The following NLGN1 variants were observed in gnomAD, a reference collection of about 807,000 sequenced individuals.
NLGN1 encodes neuroligin-1.
A neutral mutation model predicts 65.5 loss-of-function variants in NLGN1; 12 were observed. The ratio of observed to expected loss-of-function variants is 0.18; its 90% CI spans 0.12 to 0.30. The LOEUF (loss-of-function observed/expected upper bound fraction) is 0.30. Ranked by LOEUF, NLGN1 falls within the 10% of genes least tolerant of loss-of-function variation. The probability of loss-of-function intolerance (pLI) is 1.00; values close to 1 mark genes in which losing one functional copy is unlikely to be tolerated. For missense variants in NLGN1, 750 were observed against 1,007.1 expected, an observed-to-expected ratio of 0.74 and a Z score of 3.46; for synonymous variants, 350 against 359.5, an observed-to-expected ratio of 0.97 and a Z score of 0.30.
intron 3 of NLGN1, among the ~76,000 whole-genome samples, chr3:173,721,207 A>G (rs1770779117): frequency 6.6e-6 from 1 of 152,240 alleles, no homozygotes; most frequent in Admixed American, 6.5e-5. Context: ...TAGCAATTTA[A>G]CATTTTACAT....
Position 173,822,647 on chromosome 3 carries a change from GCTAA to G in NLGN1, c.646+14818_646+14821del, listed in dbSNP as rs574894879. ...ACAATTCTGATCCCCAAGCATTCTG[GCTAA>G]CTGTTACTCAAGCTATATTTCACTT... On this transcript the variant is annotated intron_variant, in intron 4 of 6. Coordinates refer to ENST00000457714, the Ensembl canonical transcript of NLGN1. Among the ~76,000 whole-genome samples, 31 of 152,056 alleles carry G rather than the reference GCTAA, an allele frequency of 2.0e-4. No homozygotes were observed. The East Asian group carries it at 3.3e-3, about 16-fold the overall frequency.
chr3:173,667,068 T>C (rs943553456), intron 3 of NLGN1, among the ~76,000 whole-genome samples: 6 of 152,222 alleles, frequency 3.9e-5, no homozygotes, highest in African/African-American at 1.4e-4. Flanking sequence ...CTTTTTAACA[T>C]GATAATGGAT....
intron 3 of NLGN1, 61 bp from the exon 3 acceptor site, chr3:173,605,473 A>G (rs1402472043): frequency 3.4e-6 from 3 of 871,232 alleles, no homozygotes; most frequent in Non-Finnish European, 4.9e-6. Flanking sequence ...GTGGTGTTGC[A>G]TGTTCCGGCG....
At chr3:173,442,875 T>C (rs1719451637) in intron 2 of NLGN1, among the ~76,000 whole-genome samples, 1 of 152,152 alleles carries the variant, frequency 6.6e-6, no homozygotes, top group African/African-American at 2.4e-5. Flanking sequence ...GTCTAACAAG[T>C]AAGATACACA....
At chr3:174,023,030 T>TTAAA (rs1005007383) in intron 4 of NLGN1, among the ~76,000 whole-genome samples, 2 of 152,130 alleles carry the variant, frequency 1.3e-5, no homozygotes, top group Non-Finnish European at 2.9e-5. Context: ...GAAGCTTTAT[T>TTAAA]GATATAAAAA....
chr3:174,280,925 C>T lies in NLGN1; in HGVS notation c.2094C>T (p.Tyr698=). ...ACATCTTGGCCTTTGCAGCCCTGTACTACAAAAAGGATAAGAGGAGACATG... is the reference window on the plus strand; with the variant it reads ...ACATCTTGGCCTTTGCAGCCCTGTATTACAAAAAGGATAAGAGGAGACATG... Residue 698 remains tyrosine, a synonymous_variant, in exon 7 of 7, where the codon TAC becomes TAT. Coordinates refer to ENST00000457714, the Ensembl canonical transcript of NLGN1. This position sits in a 1 kb window ranked among gnomAD's most constrained non-coding sequence, Gnocchi z 4.9. 6.2e-7 allele frequency: 1 copy of T among 1,613,284 alleles called. No homozygotes were observed. Among genetic ancestry groups the T allele is most frequent in the Non-Finnish European group, 8.5e-7 (1 of 1,179,580 alleles).
chr3:173,445,824 C>T (rs949112505), intron 2 of NLGN1, among the ~76,000 whole-genome samples: 2 of 152,144 alleles, frequency 1.3e-5, no homozygotes, highest in African/African-American at 4.8e-5. Flanking sequence ...ACTTTAAGTT[C>T]ACACTGACCA....
chr3:173,924,633 AT>A (rs1376141118), intron 4 of NLGN1, among the ~76,000 whole-genome samples: 47 of 151,750 alleles, frequency 3.1e-4, no homozygotes, highest in Middle Eastern at 6.8e-3. Context: ...AAAAAAAAAA[AT>A]AAAAATAAAA....
chr3:173,709,696 G>A lies in NLGN1; in HGVS notation c.494-97984G>A, dbSNP rs963662186. Among the ~76,000 whole-genome samples, 10 of 150,740 alleles carry A rather than the reference G, an allele frequency of 6.6e-5. No homozygotes were observed. In the South Asian group the frequency reaches 8.4e-4, roughly 13 times the overall value. On this transcript the variant is annotated intron_variant, in intron 3 of 6. Coordinates refer to ENST00000457714, the Ensembl canonical transcript of NLGN1. ...TGAGTGCCTGTAATCCCAGCTACTC[G>A]AGAGGCTGAGGCAGGAGAATCACTT... is the stretch of plus-strand genomic sequence containing the variant.
chr3:174,153,003 G>A (rs138706644), intron 4 of NLGN1, among the ~76,000 whole-genome samples: 4 of 151,916 alleles, frequency 2.6e-5, no homozygotes, highest in Admixed American at 1.3e-4. Context: ...TTCTGATCTA[G>A]CCCTTGCCTA....
intron 4 of NLGN1, among the ~76,000 whole-genome samples, chr3:174,215,893 C>T (rs968153802): frequency 6.6e-6 from 1 of 152,154 alleles, no homozygotes; most frequent in East Asian, 1.9e-4. Context: ...GGACAACCTT[C>T]CTCTCTCCAT....
rs535884994 is a variant in NLGN1 at position 174,031,165 on chromosome 3, C to T, written c.646+223333C>T. On this transcript the variant is annotated intron_variant, in intron 4 of 6. Coordinates refer to ENST00000457714, the Ensembl canonical transcript of NLGN1. ...ATCTAAGCAGTCCTAGAAGGCTTCT[C>T]CACACCAGTTCCTTCTCCACAACCA... is the stretch of plus-strand genomic sequence containing the variant. Among the ~76,000 whole-genome samples the T allele has an allele frequency of 1.8e-4, 28 of 152,272 alleles. No individual in the cohort carries two copies. In the East Asian group the frequency reaches 5.4e-3, roughly 29 times the overall value.
chr3:173,777,931 GATA>G (rs1462668034), intron 3 of NLGN1, among the ~76,000 whole-genome samples: 1 of 151,804 alleles, frequency 6.6e-6, no homozygotes, highest in Admixed American at 6.6e-5. Context: ...AACTGATAAT[GATA>G]ATAATCATTG....
chr3:173,621,687 T>C (rs1376355738), intron 3 of NLGN1, among the ~76,000 whole-genome samples: 1 of 152,014 alleles, frequency 6.6e-6, no homozygotes, highest in Non-Finnish European at 1.5e-5. Context: ...GAGAGACATT[T>C]CAAAGCAGAA....
At chr3:173,592,860 C>T (rs1748768547) in intron 2 of NLGN1, among the ~76,000 whole-genome samples, 1 of 152,120 alleles carries the variant, frequency 6.6e-6, no homozygotes, top group Non-Finnish European at 1.5e-5. Flanking sequence ...TAAGATCTCA[C>T]ACCCCTAAAA....
intron 3 of NLGN1, among the ~76,000 whole-genome samples, chr3:173,647,521 T>A (rs1477530858): frequency 1.3e-5 from 2 of 151,940 alleles, no homozygotes; most frequent in African/African-American, 4.8e-5. Flanking sequence ...GGAATTGAAA[T>A]GGAAATCAAT....
At chr3:174,137,467 T>C (rs532098634) in intron 4 of NLGN1, among the ~76,000 whole-genome samples, 5 of 152,256 alleles carry the variant, frequency 3.3e-5, no homozygotes, top group Admixed American at 2.6e-4. Flanking sequence ...GGAAAACTAA[T>C]GTCAACCTTC....
chr3:174,185,393 G>A (rs1477233), intron 4 of NLGN1, among the ~76,000 whole-genome samples: 113,360 of 151,982 alleles, frequency 0.75, 42,348 homozygotes, highest in Admixed American at 0.77. Flanking sequence ...AGACAAATAC[G>A]GCCACTGAAC....
chr3:174,216,857 T>C (rs1317910452), intron 4 of NLGN1, among the ~76,000 whole-genome samples: 5 of 152,096 alleles, frequency 3.3e-5, no homozygotes, highest in Admixed American at 3.3e-4. Context: ...GTCACATCAT[T>C]AGTGGTATTG....
Sources: gnomAD v4.1 joint callset for allele counts (sites outside exome capture counted in the v4.1 genomes callset) on GRCh38, gnomAD v4.1.1 for gene constraint, Gnocchi (gnomAD v3.1) non-coding constraint, MANE v1.5 for transcripts, NCBI Gene and HGNC (gene_info 2026-07-23, HGNC 2026-07-21) for gene names.